USP28: variants seen among roughly 807,000 people sequenced by gnomAD.
The protein encoded by USP28 is ubiquitin carboxyl-terminal hydrolase 28.
Under a neutral mutation model 145.0 loss-of-function variants are expected in USP28, and 113 were observed. The ratio of observed to expected loss-of-function variants is 0.78; its 90% CI spans 0.67 to 0.91. USP28 has a LOEUF of 0.91. USP28 is among the 40% of genes least tolerant of loss of function. The probability of loss-of-function intolerance (pLI) is 0.00; values close to 1 mark genes in which losing one functional copy is unlikely to be tolerated. For missense variants in USP28, 1,201 were observed against 1,289.6 expected, an observed-to-expected ratio of 0.93 and a Z score of 1.05; for synonymous variants, 447 against 450.9, an observed-to-expected ratio of 0.99 and a Z score of 0.11.
chr11:113,800,961 G>A (rs902394562), intron 24 of USP28, among the ~76,000 whole-genome samples: 20 of 151,432 alleles, frequency 1.3e-4, no homozygotes, highest in Non-Finnish European at 2.5e-4. Context: ...TCCTGCCTCA[G>A]CCTCCCGAGT....
chr11:113,798,777 A>T (rs1372250684), exon 25 of USP28: 1 of 152,584 alleles, frequency 6.6e-6, no homozygotes, highest in Non-Finnish European at 1.5e-5. Flanking sequence ...GGCAAGAGCC[A>T]GGCAAGGTTT....
At chr11:113,802,710 T>C (rs1239432027) in intron 23 of USP28, among the ~76,000 whole-genome samples, 3 of 152,074 alleles carry the variant, frequency 2.0e-5, no homozygotes, top group South Asian at 2.1e-4. Flanking sequence ...AAAAATGGAG[T>C]GTCAGAAGTC....
At chr11:113,846,794 C>A (rs528459189) in intron 3 of USP28, among the ~76,000 whole-genome samples, 1 of 152,190 alleles carries the variant, frequency 6.6e-6, no homozygotes, top group African/African-American at 2.4e-5. Context: ...AGTTTGAGAC[C>A]GGCCTGGCCA....
At chr11:113,823,545 CA>C (rs1942935757) in intron 12 of USP28, 59 bp downstream of exon 12, 4 of 1,270,152 alleles carry the variant, frequency 3.1e-6, no homozygotes, top group South Asian at 1.4e-5. Context: ...TAAAGAAAAA[CA>C]AATTATCTGT....
chr11:113,812,394 G>A (rs1941133787), exon 16 of USP28: 2 of 1,613,904 alleles, frequency 1.2e-6, no homozygotes, highest in African/African-American at 2.7e-5. Context: ...TAACAGAGAT[G>A]TCATTGTACT....
At chr11:113,834,298 A>G in exon 6 of USP28, 1 of 1,611,568 alleles carries the variant, frequency 6.2e-7, no homozygotes, top group Non-Finnish European at 8.5e-7. Context: ...ACTATAACTG[A>G]GAACAAGTCT....
intron 1 of USP28, 143 bp downstream of exon 1, chr11:113,875,302 C>T: frequency 1.7e-6 from 1 of 589,454 alleles, no homozygotes; most frequent in Non-Finnish European, 2.3e-6. Flanking sequence ...TTGGCCTTCT[C>T]ACCCACGCTG....
At chr11:113,861,168 T>C (rs918616446) in intron 1 of USP28, among the ~76,000 whole-genome samples, 1 of 151,804 alleles carries the variant, frequency 6.6e-6, no homozygotes, top group African/African-American at 2.4e-5. Context: ...CAGAGATGGT[T>C]GCTAACCTTT....
chr11:113,855,082 A>G (rs2136574414), intron 1 of USP28, among the ~76,000 whole-genome samples: 1 of 151,620 alleles, frequency 6.6e-6, no homozygotes, highest in Admixed American at 6.6e-5. Context: ...CAATGATAAC[A>G]CCAACATATT....
At chr11:113,869,554 A>C (rs1948617085) in intron 1 of USP28, among the ~76,000 whole-genome samples, 1 of 152,186 alleles carries the variant, frequency 6.6e-6, no homozygotes, top group Non-Finnish European at 1.5e-5. Flanking sequence ...CGGTGTCACC[A>C]CACTCCAGCT....
intron 10 of USP28, 92 bp downstream of exon 10, chr11:113,829,105 T>C: frequency 1.9e-6 from 3 of 1,541,764 alleles, no homozygotes; most frequent in Non-Finnish European, 1.8e-6. Context: ...GTAAAGTTAC[T>C]TAATATGTGA....
chr11:113,815,808 A>G (rs533963948), intron 13 of USP28, among the ~76,000 whole-genome samples: 18 of 152,336 alleles, frequency 1.2e-4, no homozygotes, highest in Admixed American at 3.3e-4. Flanking sequence ...AGTTTACAAG[A>G]TGAAGCCAAC....
At chr11:113,827,867 T>C (rs574252901) in intron 10 of USP28, among the ~76,000 whole-genome samples, 9 of 152,348 alleles carry the variant, frequency 5.9e-5, no homozygotes, top group East Asian at 3.9e-4. Context: ...ATCTCCTTTA[T>C]ATATACAAAG....
At chr11:113,849,807 C>T (rs188234135) in intron 3 of USP28, among the ~76,000 whole-genome samples, 70 of 152,254 alleles carry the variant, frequency 4.6e-4, no homozygotes, top group Non-Finnish European at 5.3e-4. Context: ...AGGCCCTGAA[C>T]GCTGCTGGCC....
At chr11:113,797,919 G>A (rs944953980) in exon 25 of USP28, 2 of 152,422 alleles carry the variant, frequency 1.3e-5, no homozygotes, top group Non-Finnish European at 2.9e-5. Flanking sequence ...CTGCATAGTT[G>A]TATCAATTTT....
intron 3 of USP28, among the ~76,000 whole-genome samples, chr11:113,851,159 C>G (rs1388735762): frequency 6.6e-6 from 1 of 152,152 alleles, no homozygotes; most frequent in Non-Finnish European, 1.5e-5. Flanking sequence ...ACCACAGCAG[C>G]CTGGCCTGGG....
intron 1 of USP28, among the ~76,000 whole-genome samples, chr11:113,858,763 C>T (rs1048616994): frequency 2.0e-5 from 3 of 152,206 alleles, no homozygotes; most frequent in African/African-American, 7.2e-5. Flanking sequence ...GCACCCACCA[C>T]CACGCCTAGC....
intron 1 of USP28, among the ~76,000 whole-genome samples, chr11:113,864,470 C>A (rs1247341896): frequency 1.3e-5 from 2 of 152,070 alleles, no homozygotes; most frequent in African/African-American, 2.4e-5. Flanking sequence ...AGGAGACCAG[C>A]GGTGTAGTGT....
chr11:113,848,007 T>C (rs1275966545), intron 3 of USP28, among the ~76,000 whole-genome samples: 1 of 152,086 alleles, frequency 6.6e-6, no homozygotes, highest in Non-Finnish European at 1.5e-5. Context: ...ACAGGTTCAT[T>C]AACAGGAAAA....
Sources: gnomAD v4.1 joint callset for allele counts (sites outside exome capture counted in the v4.1 genomes callset) on GRCh38, gnomAD v4.1.1 for gene constraint, MANE v1.5 for transcripts, NCBI Gene and HGNC (gene_info 2026-07-23, HGNC 2026-07-21) for gene names.